The following CIITA variants were observed in gnomAD, a reference collection of about 807,000 sequenced individuals.
CIITA encodes class II major histocompatibility complex transactivator.
Under a neutral mutation model 115.1 loss-of-function variants are expected in CIITA, and 72 were observed. The observed-to-expected ratio is 0.63, with a 90% CI of 0.52 to 0.76. The LOEUF (loss-of-function observed/expected upper bound fraction) is 0.76, where lower values mean the gene tolerates loss of function less well. CIITA is among the 30% of genes least tolerant of loss of function. CIITA has a pLI of 0.00. For missense variants in CIITA, 1,617 were observed against 1,463.8 expected, an observed-to-expected ratio of 1.10 and a Z score of -1.71; for synonymous variants, 763 against 635.6, an observed-to-expected ratio of 1.20 and a Z score of -3.02.
intron 1 of CIITA, among the ~76,000 whole-genome samples, chr16:10,867,692 G>T (rs2035184216): frequency 6.6e-6 from 1 of 152,098 alleles, no homozygotes; most frequent in African/African-American, 2.4e-5. Flanking sequence ...CACATCCTTG[G>T]CTCCTCCAAC....
At chr16:10,908,926 G>A (rs2039363925) in intron 11 of CIITA, 103 bp from the exon 12 acceptor site, 2 of 1,549,662 alleles carry the variant, frequency 1.3e-6, no homozygotes, top group African/African-American at 1.4e-5. Context: ...TTGAGCTAAG[G>A]AAAGAAAGTA....
At chr16:10,878,837 C>T (rs1020365280) in intron 1 of CIITA, 4 of 230,522 alleles carry the variant, frequency 1.7e-5, no homozygotes, top group Non-Finnish European at 3.4e-5. Context: ...TCTGATAAAG[C>T]ACGTGGTGGC....
intron 1 of CIITA, among the ~76,000 whole-genome samples, chr16:10,871,379 T>C (rs1299496286): frequency 6.6e-6 from 1 of 152,180 alleles, no homozygotes; most frequent in Non-Finnish European, 1.5e-5. Flanking sequence ...AAGGGGCCCA[T>C]TTTGCATACT....
In CIITA at chr16:10,901,611, G is replaced by A. The variant is rs2038762073; in HGVS notation, c.481+53G>A. ...GGAAGGGTGGATGCCTTGGGGAGGG[G>A]ATGGAAGAGATTGAACTCCTGGCCC... On this transcript the variant is annotated intron_variant, in intron 6 of 19. Transcript: ENST00000324288. The surrounding 1 kb of genome is among the most constrained non-coding windows in gnomAD (Gnocchi z 6.8). 6 of 1,569,620 alleles carry A rather than the reference G, an allele frequency of 3.8e-6. No individual in the cohort carries two copies. The highest frequency in any genetic ancestry group is 2.3e-5 in the East Asian group (1 of 44,200).
intron 1 of CIITA, among the ~76,000 whole-genome samples, chr16:10,882,094 C>G (rs1038650022): frequency 1.3e-5 from 2 of 152,186 alleles, no homozygotes; most frequent in Non-Finnish European, 2.9e-5. Context: ...GTTCCTACCT[C>G]TTGACTATTG....
Position 10,942,520 on chromosome 16 carries a change from ACGCGCTAATTGGCCGGCTCAACGCC to A in CIITA, n.1653_1677del, listed in dbSNP as rs2041116010. 6.6e-6 allele frequency: 1 copy of A among 152,176 alleles called. No homozygotes were observed. Among genetic ancestry groups the A allele is most frequent in the East Asian group, 1.9e-4 (1 of 5,144 alleles). The allele number at this position is 152,176 out of a possible 1,614,324, so 9.4% of individuals were successfully genotyped here. A position where few individuals can be genotyped will look rare whatever the true frequency, so the allele number is the denominator to read the frequency against. The stretch of plus-strand genomic sequence containing the variant: ...AGCTCATTGGCAGGCCGCCCCCTGC[ACGCGCTAATTGGCCGGCTCAACGCC>A]CGCGCTGATTGGCTCCGGCCGCCAG... On this transcript the variant is annotated non_coding_transcript_exon_variant, in exon 2 of 2. Transcript: ENST00000573379. This position sits in a 1 kb window ranked among gnomAD's most constrained non-coding sequence, Gnocchi z 5.0.
Position 10,921,540 on chromosome 16 carries a change from T to C in CIITA, c.3150-627T>C, listed in dbSNP as rs532422030. 3.3e-5 allele frequency among the ~76,000 whole-genome samples: 5 copies of C among 152,310 alleles called. No individual in the cohort carries two copies. The East Asian group carries it at 9.6e-4, about 29-fold the overall frequency. ...AAATGTTATATCAGCATTGATTCAT[T>C]TACTCCTCCCCACAATGACTCTATC... On this transcript the variant is annotated intron_variant, in intron 16 of 19. Coordinates refer to ENST00000324288, the MANE Select transcript of CIITA (RefSeq NM_000246.4).
chr16:10,876,737 C>T (rs1171026508), upstream of CIITA, among the ~76,000 whole-genome samples: 1 of 152,154 alleles, frequency 6.6e-6, no homozygotes, highest in African/African-American at 2.4e-5. Context: ...AGGTGGGCCA[C>T]TTATGATCTC....
chr16:10,874,175 G>T (rs2035674533), upstream of CIITA, among the ~76,000 whole-genome samples: 1 of 151,976 alleles, frequency 6.6e-6, no homozygotes, highest in Admixed American at 6.6e-5. Flanking sequence ...GTAGAGACAG[G>T]GTTTCACCAT....
chr16:10,867,728 A>G (rs1449432219), intron 1 of CIITA, among the ~76,000 whole-genome samples: 3 of 152,116 alleles, frequency 2.0e-5, no homozygotes, highest in African/African-American at 4.8e-5. Context: ...CCCACTTACA[A>G]AGAAGTCCTC....
chr16:10,881,705 A>C (rs186750520), intron 1 of CIITA, among the ~76,000 whole-genome samples: 1 of 152,234 alleles, frequency 6.6e-6, no homozygotes, highest in East Asian at 1.9e-4. Context: ...CATTTTAACC[A>C]CTTTCAAATG....
chr16:10,890,689 G>A (rs561214758), intron 1 of CIITA, among the ~76,000 whole-genome samples: 2 of 152,290 alleles, frequency 1.3e-5, no homozygotes, highest in African/African-American at 4.8e-5. Context: ...GAAATGGAAG[G>A]GAAAGGGTCC....
chr16:10,895,467 A>C, intron 2 of CIITA, 39 bp downstream of exon 2: 1 of 1,609,486 alleles, frequency 6.2e-7, no homozygotes, highest in African/African-American at 1.3e-5. Context: ...GGTATCCCCC[A>C]CCCCTCAGCT....
intron 1 of CIITA, among the ~76,000 whole-genome samples, chr16:10,894,852 A>T (rs998821325): frequency 1.3e-5 from 2 of 152,194 alleles, no homozygotes; most frequent in Non-Finnish European, 2.9e-5. Flanking sequence ...TCTGAGCCTC[A>T]GTTTTCTCAT....
chr16:10,930,965 C>G lies in CIITA; in HGVS notation c.*7110C>G, dbSNP rs778301092. On this transcript the variant is annotated 3_prime_UTR_variant, in exon 20 of 20. Coordinates refer to ENST00000324288, the MANE Select transcript of CIITA (RefSeq NM_000246.4). ...GATTCAGCCGCACAGATGCTCACTG[C>G]AGAGATCTCCAAGGCCTGTGGTCAT... 1 of 152,320 alleles carries G rather than the reference C, an allele frequency of 6.6e-6. No individual in the cohort carries two copies. Among genetic ancestry groups the G allele is most frequent in the Non-Finnish European group, 1.5e-5 (1 of 68,106 alleles). 9.4% of individuals were successfully genotyped at this position (152,320 alleles called of 1,614,324 possible). A position where few individuals can be genotyped will look rare whatever the true frequency, so the allele number is the denominator to read the frequency against.
At chr16:10,900,613 A>AG (rs1567401882) in intron 5 of CIITA, among the ~76,000 whole-genome samples, 3 of 151,828 alleles carry the variant, frequency 2.0e-5, no homozygotes, top group South Asian at 2.1e-4. Context: ...GGTGGCGAAC[A>AG]CCTGTAATCC....
At chr16:10,877,853 G>A (rs1418278167) in intron 1 of CIITA, among the ~76,000 whole-genome samples, 1 of 152,170 alleles carries the variant, frequency 6.6e-6, no homozygotes, top group Non-Finnish European at 1.5e-5. Context: ...GCTGGCGGAT[G>A]CTGCCCTCCC....
At position 10,879,375 on chromosome 16, in the gene CIITA, C is replaced by CT. The variant is rs2036179763; in HGVS notation, c.52+1993_52+1994insT. On this transcript the variant is annotated intron_variant, in intron 1 of 19. Coordinates refer to ENST00000324288, the MANE Select transcript of CIITA (RefSeq NM_000246.4). This position sits in a 1 kb window ranked among gnomAD's most constrained non-coding sequence, Gnocchi z 4.3. Reference sequence around the variant, plus strand: ...GACACACTCCCCCGGCCACCCTTGGCCGACTCCGCGCGCCCGGGATCCTGC... The same window carrying CT: ...GACACACTCCCCCGGCCACCCTTGGCTCGACTCCGCGCGCCCGGGATCCTGC... Among the ~76,000 whole-genome samples the CT allele has an allele frequency of 6.6e-6, 1 of 152,138 alleles. No individual in the cohort carries two copies. The highest frequency in any genetic ancestry group is 6.5e-5 in the Admixed American group (1 of 15,284).
intron 1 of CIITA, chr16:10,866,331 G>C (rs773231070): frequency 1.8e-6 from 1 of 569,460 alleles, no homozygotes; most frequent in African/African-American, 1.9e-5. Flanking sequence ...TGAGAATGCT[G>C]CTCTCCAGCC....
Sources: allele counts gnomAD v4.1 joint callset (sites outside exome capture counted in the v4.1 genomes callset), GRCh38; gene constraint gnomAD v4.1.1; non-coding constraint Gnocchi (gnomAD v3.1); transcripts MANE v1.5; gene names NCBI Gene and HGNC (gene_info 2026-07-23, HGNC 2026-07-21).